Variants in CACNB2 observed in about 807,000 individuals in gnomAD.
CACNB2 encodes calcium voltage-gated channel auxiliary subunit beta 2.
Under a neutral mutation model 73.3 loss-of-function variants are expected in CACNB2, and 42 were observed. The observed-to-expected ratio is 0.57, with a 90% CI of 0.45 to 0.74. The LOEUF is 0.74. Ranked by LOEUF, CACNB2 falls within the 30% of genes least tolerant of loss-of-function variation. CACNB2 has a pLI of 0.00. For synonymous variants in CACNB2, 348 were observed against 310.3 expected, an observed-to-expected ratio of 1.12 and a Z score of -1.28; for missense variants, 940 against 853.0, an observed-to-expected ratio of 1.10 and a Z score of -1.27.
At chr10:18,207,715 A>G (rs991484955) in intron 2 of CACNB2, among the ~76,000 whole-genome samples, 5 of 152,238 alleles carry the variant, frequency 3.3e-5, no homozygotes, top group Non-Finnish European at 5.9e-5. Flanking sequence ...TAACATGTAC[A>G]TGGGCATGAT....
At chr10:18,361,453 C>T (rs1369964054) in intron 2 of CACNB2, among the ~76,000 whole-genome samples, 7 of 148,572 alleles carry the variant, frequency 4.7e-5, no homozygotes, top group East Asian at 4.0e-4. Flanking sequence ...GAGCCAAGAT[C>T]GCACCACTGC....
At chr10:18,169,198 T>A (rs570406731) in intron 2 of CACNB2, among the ~76,000 whole-genome samples, 234 of 151,726 alleles carry the variant, frequency 1.5e-3, no homozygotes, top group African/African-American at 2.7e-3. Flanking sequence ...TATATATTTT[T>A]AAAAAAAATA....
chr10:18,227,469 A>T (rs1412680947), intron 2 of CACNB2, among the ~76,000 whole-genome samples: 1 of 152,168 alleles, frequency 6.6e-6, no homozygotes, highest in Non-Finnish European at 1.5e-5. Context: ...AAGCGCAGAG[A>T]TGGGGGTACT....
intron 9 of CACNB2, chr10:18,519,575 A>T: frequency 2.6e-6 from 1 of 390,166 alleles, no homozygotes; most frequent in Non-Finnish European, 5.0e-6. Context: ...GTATCCATAC[A>T]GAGCCGTAAT....
chr10:18,520,751 C>G (rs2051790093), intron 9 of CACNB2, among the ~76,000 whole-genome samples: 2 of 152,176 alleles, frequency 1.3e-5, no homozygotes, highest in South Asian at 4.2e-4. Context: ...GTGTTCCAGA[C>G]AGATTACACA....
intron 3 of CACNB2, among the ~76,000 whole-genome samples, chr10:18,470,854 A>G (rs923033897): frequency 6.6e-6 from 1 of 152,116 alleles, no homozygotes; most frequent in Admixed American, 6.6e-5. Context: ...TCCTTAAAGG[A>G]ACTCACCCTG....
At chr10:18,265,232 C>T (rs1305904105) in intron 2 of CACNB2, among the ~76,000 whole-genome samples, 1 of 147,334 alleles carries the variant, frequency 6.8e-6, no homozygotes. Flanking sequence ...CTCTCTGCAA[C>T]CTCCACCTCC....
intron 3 of CACNB2, among the ~76,000 whole-genome samples, chr10:18,447,993 C>A (rs1289385970): frequency 6.6e-6 from 1 of 152,022 alleles, no homozygotes; most frequent in Admixed American, 6.6e-5. Flanking sequence ...AAGACACTTT[C>A]TTTTTGTTTT....
chr10:18,260,027 C>T (rs941694629), intron 2 of CACNB2, among the ~76,000 whole-genome samples: 7 of 152,182 alleles, frequency 4.6e-5, no homozygotes, highest in African/African-American at 1.7e-4. Context: ...AACATACCTT[C>T]TTAGGTCTCA....
intron 2 of CACNB2, among the ~76,000 whole-genome samples, chr10:18,357,256 T>C (rs1223276963): frequency 6.6e-6 from 1 of 152,176 alleles, no homozygotes; most frequent in Non-Finnish European, 1.5e-5. Flanking sequence ...TCAATTTCTT[T>C]TACCTGTATT....
chr10:18,493,280 T>G (rs919329181), intron 3 of CACNB2, among the ~76,000 whole-genome samples: 3 of 152,200 alleles, frequency 2.0e-5, no homozygotes, highest in Non-Finnish European at 4.4e-5. Flanking sequence ...GCAATTCTCC[T>G]GCCTCAGCCT....
At chr10:18,496,450 C>G (rs1437248660) in intron 3 of CACNB2, among the ~76,000 whole-genome samples, 1 of 152,088 alleles carries the variant, frequency 6.6e-6, no homozygotes, top group Non-Finnish European at 1.5e-5. Flanking sequence ...TCTGGCAAGT[C>G]CAGGTAGAGA....
At chr10:18,518,785 A>C (rs1180236489) in intron 8 of CACNB2, 125 bp from the exon 9 acceptor site, 5 of 845,864 alleles carry the variant, frequency 5.9e-6, no homozygotes, top group Non-Finnish European at 9.9e-6. Flanking sequence ...CGGCAACCTC[A>C]TATTGCCACT....
intron 2 of CACNB2, among the ~76,000 whole-genome samples, chr10:18,322,000 TA>T (rs1278808837): frequency 6.6e-6 from 1 of 151,876 alleles, no homozygotes; most frequent in Non-Finnish European, 1.5e-5. Context: ...AAAAAATTAT[TA>T]AAAAATTAGC....
intron 3 of CACNB2, among the ~76,000 whole-genome samples, chr10:18,466,822 T>C (rs1341689045): frequency 1.3e-5 from 2 of 152,236 alleles, no homozygotes; most frequent in African/African-American, 4.8e-5. Context: ...AACTATGGAA[T>C]TTAATAATGT....
intron 2 of CACNB2, among the ~76,000 whole-genome samples, chr10:18,211,461 C>T (rs1299706325): frequency 6.6e-6 from 1 of 152,182 alleles, no homozygotes; most frequent in African/African-American, 2.4e-5. Context: ...ACCTATCACC[C>T]AGCTTCATGA....
intron 2 of CACNB2, among the ~76,000 whole-genome samples, chr10:18,361,612 C>CTTT (rs56220879): frequency 7.5e-4 from 94 of 125,434 alleles, no homozygotes; most frequent in South Asian, 1.6e-3. Context: ...AGGTAAAATT[C>CTTT]TTTTTTTTTT....
chr10:18,461,613 C>T (rs2047580146), intron 3 of CACNB2, among the ~76,000 whole-genome samples: 1 of 152,064 alleles, frequency 6.6e-6, no homozygotes, highest in South Asian at 2.1e-4. Flanking sequence ...CCCAGATCAT[C>T]AGGCATTAGT....
chr10:18,374,283 G>A (rs1308786753), intron 2 of CACNB2, among the ~76,000 whole-genome samples: 1 of 152,148 alleles, frequency 6.6e-6, no homozygotes, highest in Admixed American at 6.5e-5. Flanking sequence ...ATGCCAAGTA[G>A]ACCAGAGGGA....
Sources: gnomAD v4.1 joint callset for allele counts (sites outside exome capture counted in the v4.1 genomes callset) on GRCh38, gnomAD v4.1.1 for gene constraint, MANE v1.5 for transcripts, NCBI Gene and HGNC (gene_info 2026-07-23, HGNC 2026-07-21) for gene names.